Variants in MCM9 observed in about 807,000 individuals in gnomAD.
MCM9 encodes the protein minichromosome maintenance 9 homologous recombination repair factor.
MCM9 carries 55 observed loss-of-function variants against 72.8 expected under a neutral mutation model. The observed-to-expected ratio is 0.76, with a 90% confidence interval of 0.61 to 0.95. The LOEUF (loss-of-function observed/expected upper bound fraction) is 0.95. Among genes scored for constraint, MCM9 ranks in the 40% least tolerant of loss-of-function variants. The pLI is 0.00. For synonymous variants in MCM9, 480 were observed against 503.4 expected, an observed-to-expected ratio of 0.95 and a Z score of 0.62; for missense variants, 1,279 against 1,377.0, an observed-to-expected ratio of 0.93 and a Z score of 1.13.
At position 118,871,451 on chromosome 6, in the gene MCM9, C is replaced by T. The variant is rs144344144; in HGVS notation, c.1151-14906G>A. Among the ~76,000 whole-genome samples the T allele has an allele frequency of 6.5e-3, 985 of 152,258 alleles. 7 individuals are homozygous for T. Among genetic ancestry groups the T allele is most frequent in the Non-Finnish European group, 9.4e-3 (638 of 67,998 alleles). ...ATCCTTTCAGGATAAAAATTCTCAA[C>T]AAGTTAGGGGTAGAAGGATGTTCCT... On this transcript the variant is annotated intron_variant, in intron 8 of 13. Coordinates refer to ENST00000619706, the MANE Select transcript of MCM9 (RefSeq NM_017696.3).
At chr6:118,867,065 A>G (rs894712212) in intron 8 of MCM9, among the ~76,000 whole-genome samples, 1 of 152,088 alleles carries the variant, frequency 6.6e-6, no homozygotes, top group African/African-American at 2.4e-5. Flanking sequence ...CCATCAACCA[A>G]TAACTCTATA....
intron 12 of MCM9, among the ~76,000 whole-genome samples, chr6:118,826,537 GA>G (rs887903866): frequency 3.3e-5 from 5 of 151,902 alleles, no homozygotes; most frequent in Non-Finnish European, 7.4e-5. Flanking sequence ...GTGTGTTGAG[GA>G]AAAAAACGAT....
intron 8 of MCM9, among the ~76,000 whole-genome samples, chr6:118,869,900 G>C (rs1265875022): frequency 6.6e-6 from 1 of 152,044 alleles, no homozygotes; most frequent in Non-Finnish European, 1.5e-5. Context: ...TGCAAAAAGA[G>C]ACAAAGAACA....
chr6:118,815,796 T>C lies in MCM9; in HGVS notation c.2460A>G (p.Lys820=). Reference sequence around the variant, plus strand: ...CTTCAGAATCTAGTGCTAGCCTTTTTTTCTTGTTACTTTCCACATTGTCTG... The same window carrying C: ...CTTCAGAATCTAGTGCTAGCCTTTTCTTCTTGTTACTTTCCACATTGTCTG... The part of the protein sequence containing the change: ...WRADNVESNK[K]KRLALDSEAA... The change falls in exon 14 of 14, where the codon AAA becomes AAG. Residue 820 remains lysine, a synonymous_variant. Coordinates refer to ENST00000619706, the MANE Select transcript of MCM9 (RefSeq NM_017696.3). 6.5e-7 allele frequency: 1 copy of C among 1,539,478 alleles called. No homozygotes were observed. Among genetic ancestry groups the C allele is most frequent in the Non-Finnish European group, 8.7e-7 (1 of 1,147,022 alleles).
intron 8 of MCM9, among the ~76,000 whole-genome samples, chr6:118,868,606 G>T (rs947789437): frequency 6.8e-4 from 104 of 152,176 alleles, no homozygotes; most frequent in African/African-American, 2.4e-3. Context: ...GCGGGCAAAG[G>T]ATATGAACAG....
At position 118,930,233 on chromosome 6, in the gene MCM9, T is replaced by A. The variant is rs1035217433; in HGVS notation, c.304+1187A>T. Among the ~76,000 whole-genome samples the A allele has an allele frequency of 2.0e-5, 3 of 152,040 alleles. No individual in the cohort carries two copies. In the East Asian group the frequency reaches 5.8e-4, roughly 29 times the overall value. ...TCACACCATTCTCCTGCCTCAGCCT[T>A]CTGAGTAGCTGGGACTACAGGCGCC... On this transcript the variant is annotated intron_variant, in intron 3 of 13. Transcript: ENST00000619706.
intron 6 of MCM9, among the ~76,000 whole-genome samples, chr6:118,916,196 T>A (rs55990039): frequency 4.3e-5 from 6 of 140,468 alleles, no homozygotes; most frequent in East Asian, 2.0e-4. Context: ...CTGTCTACTT[T>A]AAAAAAAAAA....
At chr6:118,842,984 A>G (rs1260748667) in intron 9 of MCM9, among the ~76,000 whole-genome samples, 1 of 152,212 alleles carries the variant, frequency 6.6e-6, no homozygotes, top group Non-Finnish European at 1.5e-5. Flanking sequence ...TGGTCTTCAC[A>G]AGCATGTATT....
rs768905296 is a variant in MCM9 at position 118,815,790 on chromosome 6, C to T, written c.2466G>A (p.Arg822=). 7 of 1,539,674 alleles carry T rather than the reference C, an allele frequency of 4.5e-6. No homozygotes were observed. Among genetic ancestry groups the T allele is most frequent in the Non-Finnish European group, 6.1e-6 (7 of 1,147,026 alleles). Residue 822 remains arginine (R), a synonymous_variant, in exon 14 of 14, where the codon AGG becomes AGA. Coordinates refer to ENST00000619706, the MANE Select transcript of MCM9 (RefSeq NM_017696.3). ...CTGCTGCTTCAGAATCTAGTGCTAG[C>T]CTTTTTTTCTTGTTACTTTCCACAT... The part of the protein sequence containing the change: ...ADNVESNKKK[R]LALDSEAAVS...
chr6:118,849,024 T>C (rs1182309646), intron 9 of MCM9, among the ~76,000 whole-genome samples: 1 of 151,906 alleles, frequency 6.6e-6, no homozygotes, highest in African/African-American at 2.4e-5. Flanking sequence ...TACCAATAAA[T>C]GTAAGTGTGC....
chr6:118,924,232 G>A, intron 3 of MCM9, 105 bp from the exon 4 acceptor site: 4 of 1,015,780 alleles, frequency 3.9e-6, no homozygotes, highest in Non-Finnish European at 5.7e-6. Flanking sequence ...AATTTCAGGG[G>A]GAAAAAAAAG....
At position 118,894,103 on chromosome 6, in the gene MCM9, G is replaced by C. The variant is rs182572792; in HGVS notation, c.1150+17547C>G. 9.6e-6 allele frequency: 11 copies of C among 1,146,004 alleles called. No homozygotes were observed. The Admixed American group carries it at 2.2e-4, about 23-fold the overall frequency. The allele number at this position is 1,146,004 out of a possible 1,614,324, so 71.0% of individuals were successfully genotyped here. On this transcript the variant is annotated intron_variant, in intron 8 of 13. Coordinates refer to ENST00000619706, the MANE Select transcript of MCM9 (RefSeq NM_017696.3). ...AAGTTTCCGAGTCCATTCCGGGAGC[G>C]GGAGCCCATCTTGCTGGCTGCCGAG...
Position 118,815,646 on chromosome 6 carries a change from G to A in MCM9, c.2610C>T (p.Cys870=). 6.5e-7 allele frequency: 1 copy of A among 1,550,344 alleles called. No individual in the cohort carries two copies. The highest frequency in any genetic ancestry group is 1.2e-5 in the South Asian group (1 of 84,042). ...TGGACTGAGGATGGGAAGGGACTGTGCACTGTGCAGGCACCCTGGTGCTAT... is the reference window on the plus strand; with the variant it reads ...TGGACTGAGGATGGGAAGGGACTGTACACTGTGCAGGCACCCTGGTGCTAT... ...CRNSTRVPAQ[C]TVPSHPQSTP... The change falls in exon 14 of 14, where the codon TGC becomes TGT. Residue 870 remains cysteine, a synonymous_variant. Coordinates refer to ENST00000619706, the MANE Select transcript of MCM9 (RefSeq NM_017696.3).
At chr6:118,882,677 G>A (rs1050411463) in intron 8 of MCM9, among the ~76,000 whole-genome samples, 6 of 152,052 alleles carry the variant, frequency 3.9e-5, no homozygotes, top group Admixed American at 1.3e-4. Flanking sequence ...AGAGAGTCAA[G>A]GAAAGGTTGG....
At chr6:118,910,260 C>T (rs1780447900) in intron 8 of MCM9, among the ~76,000 whole-genome samples, 1 of 151,664 alleles carries the variant, frequency 6.6e-6, no homozygotes, top group South Asian at 2.1e-4. Flanking sequence ...CTGGTTTTGA[C>T]CCACTGAATT....
At chr6:118,859,517 ACTTAGCTG>A (rs1187625392) in intron 8 of MCM9, among the ~76,000 whole-genome samples, 2 of 152,346 alleles carry the variant, frequency 1.3e-5, no homozygotes, top group African/African-American at 4.8e-5. Context: ...GAGAACCACA[ACTTAGCTG>A]AGCAGAAATT....
At chr6:118,869,423 A>C (rs1262530996) in intron 8 of MCM9, among the ~76,000 whole-genome samples, 2 of 152,024 alleles carry the variant, frequency 1.3e-5, no homozygotes, top group African/African-American at 4.8e-5. Flanking sequence ...AAAAAAAATT[A>C]AGGTGTCATC....
At chr6:118,923,769 C>T (rs768464897) in intron 4 of MCM9, 42 bp downstream of exon 4, 1 of 1,565,510 alleles carries the variant, frequency 6.4e-7, no homozygotes, top group Non-Finnish European at 8.7e-7. Flanking sequence ...AGCTGAAAAA[C>T]ACTTCTTCAA....
intron 1 of MCM9, chr6:118,934,307 G>C (rs186417518): frequency 1.3e-4 from 19 of 151,342 alleles, no homozygotes; most frequent in African/African-American, 4.6e-4. Flanking sequence ...TTTTTGTTTT[G>C]AGAAGGGTCA....
Sources: allele counts gnomAD v4.1 joint callset (sites outside exome capture counted in the v4.1 genomes callset), GRCh38; gene constraint gnomAD v4.1.1; transcripts MANE v1.5; gene names NCBI Gene and HGNC (gene_info 2026-07-23, HGNC 2026-07-21).